KIF20B: variants seen among roughly 807,000 people sequenced by gnomAD.
The protein encoded by KIF20B is kinesin family member 20B.
A neutral mutation model predicts 232.5 loss-of-function variants in KIF20B; 188 were observed. That is an observed-to-expected ratio of 0.81 (90% confidence interval 0.72 to 0.91). The LOEUF (loss-of-function observed/expected upper bound fraction) is 0.91. KIF20B is among the 40% of genes least tolerant of loss of function. The pLI, the probability that KIF20B is intolerant of heterozygous loss-of-function variation, is 0.00. For missense variants in KIF20B, 2,154 were observed against 2,055.9 expected (o/e 1.05, Z -0.92); for synonymous variants, 712 against 683.0 (o/e 1.04, Z -0.66).
chr10:89,759,946 C>T lies in KIF20B; in HGVS notation c.4681-580C>T, dbSNP rs146148422. 8.9e-4 allele frequency among the ~76,000 whole-genome samples: 136 copies of T among 152,090 alleles called. 2 individuals are homozygous for T. The highest frequency in any genetic ancestry group is 2.3e-3 in the East Asian group (12 of 5,178). ...AAATGTAATCTATTTCTTTATAAAT[C>T]GCCTAAGTAGAGTTTAGAAATAGAA... On this transcript the variant is annotated intron_variant, in intron 27 of 32. Coordinates refer to ENST00000371728, the MANE Select transcript of KIF20B (RefSeq NM_001284259.2).
At chr10:89,752,721 AATGTAT>A (rs775844823) in intron 25 of KIF20B, 30 bp downstream of exon 25, 32 of 1,446,864 alleles carry the variant, frequency 2.2e-5, no homozygotes, top group Non-Finnish European at 2.6e-5. Context: ...TTTATGTATG[AATGTAT>A]CTGTCTTCAT....
Position 89,762,657 on chromosome 10 carries a change from ACT to A in KIF20B, c.4814_4815del (p.Ser1605LeufsTer2). 1 of 1,612,992 alleles carries A rather than the reference ACT, an allele frequency of 6.2e-7. No individual in the cohort carries two copies. Among genetic ancestry groups the A allele is most frequent in the South Asian group, 1.1e-5 (1 of 91,050 alleles). ...TTGTAGGATGGATCTGTAGTCCTTG[ACT>A]CTTGTGAAGTGTCAACAGAAAATGA... On this transcript the variant is annotated frameshift_variant, in exon 29 of 33. Coordinates refer to ENST00000371728, the MANE Select transcript of KIF20B (RefSeq NM_001284259.2). LOFTEE classifies it high-confidence loss of function.
At chr10:89,726,549 A>G (rs764319254) in intron 16 of KIF20B, 28 bp downstream of exon 16, 92 of 1,501,580 alleles carry the variant, frequency 6.1e-5, no homozygotes, top group Non-Finnish European at 8.0e-5. Flanking sequence ...ACTTTTATTT[A>G]GATATTGTAA....
rs771205502 is a variant in KIF20B, at chr10:89,760,631, A to C, written c.4786A>C (p.Ile1596Leu). The part of the protein sequence containing the change: ...STSFEISRNK[I>L]EDGSVVLDSC... Reference sequence around the variant, plus strand: ...AAGTTTTGAAATTTCCAGAAATAAAATAGAGGTGGGTATTTGGCAGCACAG... The same window carrying C: ...AAGTTTTGAAATTTCCAGAAATAAACTAGAGGTGGGTATTTGGCAGCACAG... Residue 1596 changes from isoleucine to leucine, a missense_variant, in exon 28 of 33, where the codon ATA becomes CTA. Transcript: ENST00000371728. 7 of 1,573,464 alleles carry C rather than the reference A, an allele frequency of 4.4e-6. No individual in the cohort carries two copies. The highest frequency in any genetic ancestry group is 6.1e-6 in the Non-Finnish European group (7 of 1,143,568).
At chr10:89,756,088 A>G (rs1490811768) in intron 26 of KIF20B, among the ~76,000 whole-genome samples, 1 of 152,218 alleles carries the variant, frequency 6.6e-6, no homozygotes, top group Non-Finnish European at 1.5e-5. Context: ...TACTCCAGAA[A>G]TCAAGCCCTT....
Position 89,724,015 on chromosome 10 carries a change from A to G in KIF20B, c.1774A>G (p.Lys592Glu), listed in dbSNP as rs1265830960. Residue 592 changes from lysine (K) to glutamate (E), a missense_variant, in exon 14 of 33, where the codon AAG (lysine) becomes GAG (glutamate). Coordinates refer to ENST00000371728, the MANE Select transcript of KIF20B (RefSeq NM_001284259.2). The stretch of plus-strand genomic sequence containing the variant: ...GAAAAAAAAACTGATAAATGAAAAA[A>G]AGGAAAAATTAACCTTGGAATTTAA... ...DLKKKLINEK[K>E]EKLTLEFKIR... 1 of 1,590,008 alleles carries G rather than the reference A, an allele frequency of 6.3e-7. No individual in the cohort carries two copies. Among genetic ancestry groups the G allele is most frequent in the Non-Finnish European group, 8.5e-7 (1 of 1,171,612 alleles).
chr10:89,744,222 G>A (rs530865276), intron 22 of KIF20B, among the ~76,000 whole-genome samples: 1 of 152,246 alleles, frequency 6.6e-6, no homozygotes, highest in South Asian at 2.1e-4. Flanking sequence ...ATTACCATTA[G>A]TCATATTGAT....
intron 13 of KIF20B, 45 bp downstream of exon 13, chr10:89,719,751 G>A (rs766354458): frequency 8.4e-5 from 121 of 1,439,722 alleles, no homozygotes; most frequent in Non-Finnish European, 1.3e-5. Flanking sequence ...TTCTTATTCT[G>A]AAGTTAAGGT....
chr10:89,771,625 T>C (rs995785946), intron 31 of KIF20B, among the ~76,000 whole-genome samples: 2 of 151,978 alleles, frequency 1.3e-5, no homozygotes, highest in African/African-American at 4.8e-5. Flanking sequence ...TATTGAGGCC[T>C]TTGGTGGAGG....
In KIF20B at chr10:89,728,925, GTGTGTGTGTGTGTGTGTGTGTGTA is replaced by G. The variant is rs1438969771; in HGVS notation, c.2272-199_2272-176del. The stretch of plus-strand genomic sequence containing the variant: ...TTTCTTTGTGTGTGTGTGTGTGTGT[GTGTGTGTGTGTGTGTGTGTGTGTA>G]TGTAATTTTTTTAAAGGCAAAAATA... On this transcript the variant is annotated intron_variant, in intron 17 of 32. Coordinates refer to ENST00000371728, the MANE Select transcript of KIF20B (RefSeq NM_001284259.2). Among the ~76,000 whole-genome samples, 5 of 136,496 alleles carry G rather than the reference GTGTGTGTGTGTGTGTGTGTGTGTA, an allele frequency of 3.7e-5. No individual in the cohort carries two copies. In the East Asian group the frequency reaches 1.0e-3, roughly 29 times the overall value. 89.5% of individuals were successfully genotyped at this position (136,496 alleles called of 152,430 possible).
chr10:89,719,848 C>A, intron 13 of KIF20B, 142 bp downstream of exon 13: 3 of 632,472 alleles, frequency 4.7e-6, no homozygotes, highest in Admixed American at 3.1e-5. Flanking sequence ...AAATTTCAAA[C>A]CTATAGAAAG....
chr10:89,749,169 CG>C (rs1841977522), intron 23 of KIF20B, among the ~76,000 whole-genome samples: 1 of 151,974 alleles, frequency 6.6e-6, no homozygotes, highest in Non-Finnish European at 1.5e-5. Flanking sequence ...ATTAAGATGT[CG>C]TTATCTTTTT....
intron 29 of KIF20B, among the ~76,000 whole-genome samples, chr10:89,765,459 C>T (rs1216991447): frequency 6.6e-6 from 1 of 152,106 alleles, no homozygotes; most frequent in Admixed American, 6.6e-5. Flanking sequence ...GGCCATACTG[C>T]CCAAGCTAAT....
chr10:89,722,647 C>T (rs1008066775), intron 13 of KIF20B, among the ~76,000 whole-genome samples: 5 of 152,014 alleles, frequency 3.3e-5, no homozygotes, highest in African/African-American at 1.2e-4. Flanking sequence ...CCAGCCTGGG[C>T]GACAGAGTGA....
At chr10:89,723,499 T>A (rs952334017) in intron 13 of KIF20B, 1 of 152,286 alleles carries the variant, frequency 6.6e-6, no homozygotes, top group Non-Finnish European at 1.5e-5. Context: ...CTTAGCAACT[T>A]CTCTGGTGTA....
chr10:89,755,698 A>G lies in KIF20B; in HGVS notation c.4503+1025A>G, dbSNP rs999125200. 1.6e-4 allele frequency among the ~76,000 whole-genome samples: 25 copies of G among 151,890 alleles called. 1 individual carries two copies. The highest frequency in any genetic ancestry group is 1.4e-3 in the Admixed American group (22 of 15,238). ...CGCCTCAGACTTCAGGGCAAAAGCA[A>G]TCTTTCCAGCTCAGCCTCCCAAGTA... On this transcript the variant is annotated intron_variant, in intron 26 of 32. Coordinates refer to ENST00000371728, the MANE Select transcript of KIF20B (RefSeq NM_001284259.2).
intron 4 of KIF20B, among the ~76,000 whole-genome samples, 182 bp downstream of exon 4, chr10:89,709,643 G>A (rs1278898014): frequency 6.6e-6 from 1 of 151,676 alleles, no homozygotes; most frequent in African/African-American, 2.4e-5. Flanking sequence ...TCACTGTAGT[G>A]TTATTAAAGT....
rs1441632898 is a variant in KIF20B, at chr10:89,774,870, A to G, written c.*822A>G. ...ACCAGCCACTGGTAACCATTCTTCT[A>G]CTCTGTATGCCCATGAGGTCAATTG... On this transcript the variant is annotated 3_prime_UTR_variant, in exon 33 of 33. Transcript: ENST00000371728. 1.3e-5 allele frequency: 2 copies of G among 151,762 alleles called. No homozygotes were observed. Among genetic ancestry groups the G allele is most frequent in the Admixed American group, 1.3e-4 (2 of 15,194 alleles). 9.4% of individuals were successfully genotyped at this position (151,762 alleles called of 1,614,324 possible).
Position 89,727,846 on chromosome 10 carries a change from A to C in KIF20B, c.2231-10A>C. 6.5e-7 allele frequency: 1 copy of C among 1,543,252 alleles called. No individual in the cohort carries two copies. Among genetic ancestry groups the C allele is most frequent in the Non-Finnish European group, 8.9e-7 (1 of 1,129,850 alleles). On this transcript the variant is annotated splice_polypyrimidine_tract_variant and intron_variant, in intron 16 of 32. Coordinates refer to ENST00000371728, the MANE Select transcript of KIF20B (RefSeq NM_001284259.2). ...TAGATATTTATTTTCAATGTTCTTT[A>C]TTTTTTCAGAATCAGATTCATTGAT...
Sources: allele counts gnomAD v4.1 joint callset (sites outside exome capture counted in the v4.1 genomes callset), GRCh38; gene constraint gnomAD v4.1.1; transcripts MANE v1.5; gene names NCBI Gene and HGNC (gene_info 2026-07-23, HGNC 2026-07-21).